The following TSPAN18 variants were observed in gnomAD, a reference collection of about 807,000 sequenced individuals.
TSPAN18 encodes the protein tetraspanin-18.
A neutral mutation model predicts 27.3 loss-of-function variants in TSPAN18; 14 were observed. The observed-to-expected ratio is 0.51, with a 90% CI of 0.34 to 0.80. TSPAN18 has a LOEUF of 0.80. Among genes scored for constraint, TSPAN18 ranks in the 30% least tolerant of loss-of-function variants. The probability of loss-of-function intolerance (pLI) is 0.01; values close to 1 mark genes in which losing one functional copy is unlikely to be tolerated. For synonymous variants in TSPAN18, 143 were observed against 136.5 expected (o/e 1.05, Z -0.33); for missense variants, 268 against 323.9 (o/e 0.83, Z 1.32).
chr11:44,882,627 C>CACACACACACACACAGAG lies in TSPAN18; in HGVS notation c.-11+22159_-11+22160insCACACACACACACAGAGA, dbSNP rs375349718. ...ACACACACACACACACACACACACA[C>CACACACACACACACAGAG]AGAGAGAGAGCATGTGCGTGCATGT... On this transcript the variant is annotated intron_variant, in intron 3 of 9. Coordinates refer to ENST00000520358, the MANE Select transcript of TSPAN18 (RefSeq NM_130783.5). Among the ~76,000 whole-genome samples, 882 of 130,594 alleles carry CACACACACACACACAGAG rather than the reference C, an allele frequency of 6.8e-3. 10 individuals carry two copies. Among genetic ancestry groups the CACACACACACACACAGAG allele is most frequent in the Middle Eastern group, 0.011 (3 of 270 alleles). 85.7% of individuals were successfully genotyped at this position (130,594 alleles called of 152,430 possible). A position where few individuals can be genotyped will look rare whatever the true frequency, so the allele number is the denominator to read the frequency against.
intron 2 of TSPAN18, among the ~76,000 whole-genome samples, chr11:44,797,760 A>G (rs1856382776): frequency 6.6e-6 from 1 of 152,182 alleles, no homozygotes; most frequent in Non-Finnish European, 1.5e-5. Context: ...GAGCTCCTAA[A>G]GGCATGAAAG....
chr11:44,919,965 G>C lies in TSPAN18; in HGVS notation c.581G>C (p.Cys194Ser), dbSNP rs1565010761. The change falls in exon 8 of 10, where the codon TGC becomes TCC. Residue 194 changes from cysteine (C) to serine (S), a missense_variant. Cys to Ser is a moderately radical substitution (Grantham distance 112). Transcript: ENST00000520358. ...GGGGTCCTGCTGAGCCGGGAGGAGT[G>C]CCTCCTGGGAAGGAGCCTATTCCTA... ...RDGVLLSREE[C>S]LLGRSLFLNK... 1 of 1,614,032 alleles carries C rather than the reference G, an allele frequency of 6.2e-7. No individual in the cohort carries two copies. Among genetic ancestry groups the C allele is most frequent in the Non-Finnish European group, 8.5e-7 (1 of 1,179,962 alleles).
intron 8 of TSPAN18, among the ~76,000 whole-genome samples, chr11:44,921,061 A>G (rs1860115044): frequency 6.6e-6 from 1 of 152,142 alleles, no homozygotes; most frequent in Admixed American, 6.5e-5. Context: ...GCTCTGCCCC[A>G]GGAACTCAGC....
chr11:44,906,377 G>A (rs372899419), intron 3 of TSPAN18, 30 bp from the exon 4 acceptor site: 30 of 1,611,528 alleles, frequency 1.9e-5, no homozygotes, highest in Admixed American at 5.0e-5. Context: ...GTCCCCCATC[G>A]GGAAGACTGA....
intron 2 of TSPAN18, among the ~76,000 whole-genome samples, chr11:44,849,094 C>T (rs1439210026): frequency 6.6e-6 from 1 of 152,162 alleles, no homozygotes; most frequent in Non-Finnish European, 1.5e-5. Context: ...CATTGTGCAG[C>T]ACCTGCTTGT....
chr11:44,864,165 T>C (rs1271867163), intron 3 of TSPAN18, among the ~76,000 whole-genome samples: 1 of 151,722 alleles, frequency 6.6e-6, no homozygotes, highest in African/African-American at 2.4e-5. Flanking sequence ...CATTCGCCTG[T>C]AGTCCCAGCT....
chr11:44,812,130 G>C (rs370255689), intron 2 of TSPAN18, among the ~76,000 whole-genome samples: 1 of 152,174 alleles, frequency 6.6e-6, no homozygotes, highest in African/African-American at 2.4e-5. Context: ...GGCATCCTCC[G>C]TCCTGTACAG....
chr11:44,813,625 A>G (rs959052408), intron 2 of TSPAN18, among the ~76,000 whole-genome samples: 4 of 152,176 alleles, frequency 2.6e-5, no homozygotes, highest in African/African-American at 4.8e-5. Context: ...TGTGACCTTG[A>G]GTAAGACACT....
chr11:44,813,252 G>C (rs1174579857), intron 2 of TSPAN18, among the ~76,000 whole-genome samples: 1 of 152,186 alleles, frequency 6.6e-6, no homozygotes, highest in Admixed American at 6.5e-5. Context: ...CACAGGCCAC[G>C]GCATGAGGAC....
At chr11:44,768,999 A>G (rs1855630712) in intron 2 of TSPAN18, among the ~76,000 whole-genome samples, 1 of 150,990 alleles carries the variant, frequency 6.6e-6, no homozygotes, top group African/African-American at 2.4e-5. Context: ...CAGGTTAAGA[A>G]ATTCTCTGCC....
At chr11:44,804,498 A>G (rs1191047408) in intron 2 of TSPAN18, among the ~76,000 whole-genome samples, 1 of 152,178 alleles carries the variant, frequency 6.6e-6, no homozygotes, top group Non-Finnish European at 1.5e-5. Context: ...AGTTCAACAA[A>G]TATTTGTGGA....
At chr11:44,755,667 C>T (rs1249253407) in intron 1 of TSPAN18, among the ~76,000 whole-genome samples, 1 of 152,014 alleles carries the variant, frequency 6.6e-6, no homozygotes. Flanking sequence ...TGCTTTGGAG[C>T]CATAAATTGC....
chr11:44,862,778 A>T (rs1857932631), intron 3 of TSPAN18, among the ~76,000 whole-genome samples: 1 of 152,148 alleles, frequency 6.6e-6, no homozygotes, highest in South Asian at 2.1e-4. Context: ...GTTACTTTCC[A>T]CAGCATTTTG....
intron 2 of TSPAN18, among the ~76,000 whole-genome samples, chr11:44,826,655 C>A (rs1212657301): frequency 6.6e-6 from 1 of 152,146 alleles, no homozygotes; most frequent in East Asian, 1.9e-4. Flanking sequence ...AGTCACACAG[C>A]TAATAGGTGG....
At chr11:44,844,070 A>G (rs1371742955) in intron 2 of TSPAN18, among the ~76,000 whole-genome samples, 2 of 152,220 alleles carry the variant, frequency 1.3e-5, no homozygotes, top group Non-Finnish European at 2.9e-5. Context: ...AATCTTTACA[A>G]TTTATGTTTA....
At chr11:44,820,087 C>T (rs572635338) in intron 2 of TSPAN18, among the ~76,000 whole-genome samples, 2 of 152,178 alleles carry the variant, frequency 1.3e-5, no homozygotes, top group Admixed American at 6.5e-5. Flanking sequence ...TGAGCCCCTG[C>T]GACCAGCAAA....
chr11:44,854,061 T>A (rs954352718), intron 2 of TSPAN18, among the ~76,000 whole-genome samples: 4 of 152,198 alleles, frequency 2.6e-5, no homozygotes, highest in African/African-American at 9.7e-5. Flanking sequence ...GTATTAATCG[T>A]ATTGATTAAT....
chr11:44,911,667 T>C (rs1480910527), intron 5 of TSPAN18, among the ~76,000 whole-genome samples: 1 of 152,004 alleles, frequency 6.6e-6, no homozygotes, highest in Non-Finnish European at 1.5e-5. Flanking sequence ...CATTCATTGT[T>C]AATGGGCTCG....
intron 2 of TSPAN18, among the ~76,000 whole-genome samples, chr11:44,799,063 C>G (rs1382505472): frequency 2.0e-5 from 3 of 147,548 alleles, no homozygotes; most frequent in African/African-American, 7.5e-5. Context: ...CTCACCCTTG[C>G]CCTCCCTTGT....
Sources: allele counts gnomAD v4.1 joint callset (sites outside exome capture counted in the v4.1 genomes callset), GRCh38; gene constraint gnomAD v4.1.1; transcripts MANE v1.5; gene names NCBI Gene and HGNC (gene_info 2026-07-23, HGNC 2026-07-21).